The following CBFA2T2 variants were observed in gnomAD, a reference collection of about 807,000 sequenced individuals.
The protein encoded by CBFA2T2 is CBFA2/RUNX1 partner transcriptional co-repressor 2.
A neutral mutation model predicts 62.2 loss-of-function variants in CBFA2T2; 11 were observed. That is an observed-to-expected ratio of 0.18 (90% CI 0.11 to 0.29). The LOEUF is 0.29. Ranked by LOEUF, CBFA2T2 falls within the 10% of genes least tolerant of loss-of-function variation. CBFA2T2 has a pLI of 1.00. For synonymous variants in CBFA2T2, 295 were observed against 287.5 expected, an observed-to-expected ratio of 1.03 and a Z score of -0.27; for missense variants, 592 against 774.1, an observed-to-expected ratio of 0.76 and a Z score of 2.79.
chr20:33,618,214 T>C (rs1256932562), intron 3 of CBFA2T2, among the ~76,000 whole-genome samples: 1 of 149,420 alleles, frequency 6.7e-6, no homozygotes, highest in Non-Finnish European at 1.5e-5. Flanking sequence ...TGTGATAGCG[T>C]GGGGGTAAGT....
At chr20:33,551,717 A>G (rs2012746894) in intron 1 of CBFA2T2, among the ~76,000 whole-genome samples, 1 of 151,784 alleles carries the variant, frequency 6.6e-6, no homozygotes. Flanking sequence ...TTTTTAGTAG[A>G]GACGGGGTTT....
chr20:33,587,167 C>T (rs2081337178), intron 1 of CBFA2T2, among the ~76,000 whole-genome samples: 1 of 152,164 alleles, frequency 6.6e-6, no homozygotes, highest in South Asian at 2.1e-4. Flanking sequence ...TGTTCTCAAA[C>T]TCCTGAGCTC....
chr20:33,533,585 C>A (rs150055373), intron 1 of CBFA2T2, among the ~76,000 whole-genome samples: 210 of 152,116 alleles, frequency 1.4e-3, no homozygotes, highest in African/African-American at 4.8e-3. Context: ...TGTTTCCAGT[C>A]TTTGGCTATT....
At chr20:33,562,328 A>C in intron 1 of CBFA2T2, 1 of 965,416 alleles carries the variant, frequency 1.0e-6, no homozygotes, top group Non-Finnish European at 1.2e-6. Flanking sequence ...GGTAACAGGG[A>C]GGGTTGGAAG....
intron 2 of CBFA2T2, among the ~76,000 whole-genome samples, chr20:33,608,830 T>C (rs1601057510): frequency 6.6e-6 from 1 of 152,200 alleles, no homozygotes; most frequent in African/African-American, 2.4e-5. Context: ...AAAAGCATGG[T>C]AATGTGTTAT....
chr20:33,635,701 T>C (rs1284501572), intron 8 of CBFA2T2, among the ~76,000 whole-genome samples: 1 of 152,098 alleles, frequency 6.6e-6, no homozygotes, highest in Non-Finnish European at 1.5e-5. Flanking sequence ...AGTGAAACCC[T>C]GTCTGTGCAA....
rs547827366 is a variant in CBFA2T2, at chr20:33,602,793, A to G, written c.35-4163A>G. 2.0e-5 allele frequency among the ~76,000 whole-genome samples: 3 copies of G among 152,286 alleles called. No homozygotes were observed. In the South Asian group the frequency reaches 6.2e-4, roughly 32 times the overall value. ...AAGAACTTCTGCCTTTTCACTTAGT[A>G]CTTTACAGCTTCACTTTGGTGTGTC... On this transcript the variant is annotated intron_variant, in intron 1 of 10. Coordinates refer to ENST00000342704, the MANE Select transcript of CBFA2T2 (RefSeq NM_001032999.3).
intron 1 of CBFA2T2, among the ~76,000 whole-genome samples, chr20:33,526,176 C>T (rs867396578): frequency 2.6e-5 from 4 of 152,158 alleles, no homozygotes; most frequent in East Asian, 1.9e-4. Context: ...CGTGAGCCAC[C>T]GCGCCTGGCC....
chr20:33,622,576 T>C (rs1042100708), intron 4 of CBFA2T2, among the ~76,000 whole-genome samples: 2 of 152,236 alleles, frequency 1.3e-5, no homozygotes, highest in East Asian at 3.8e-4. Flanking sequence ...ACCTACTTAA[T>C]GAATTATCTT....
intron 1 of CBFA2T2, among the ~76,000 whole-genome samples, chr20:33,516,765 G>A (rs886101966): frequency 2.0e-5 from 3 of 152,138 alleles, no homozygotes; most frequent in Admixed American, 2.0e-4. Flanking sequence ...TAATACTCAC[G>A]CAGTGTTTTT....
rs1196360011 is a variant in CBFA2T2, at chr20:33,580,852, T to TTTTA, written c.35-26088_35-26085dup. ...CTGGGTAATGGAATGAGCCCCTGTC[T>TTTTA]TTTATTTATTTATTTATTTTTAAAA... is the stretch of plus-strand genomic sequence containing the variant. On this transcript the variant is annotated intron_variant, in intron 1 of 10. Transcript: ENST00000342704. Among the ~76,000 whole-genome samples the TTTTA allele has an allele frequency of 2.6e-5, 4 of 152,202 alleles. No homozygotes were observed. In the East Asian group the frequency reaches 5.8e-4, roughly 22 times the overall value.
chr20:33,594,023 G>A (rs531456027), intron 1 of CBFA2T2, among the ~76,000 whole-genome samples: 40 of 152,286 alleles, frequency 2.6e-4, no homozygotes, highest in African/African-American at 9.1e-4. Context: ...TCTGTTTTAG[G>A]TTTTAAATCA....
intron 1 of CBFA2T2, among the ~76,000 whole-genome samples, chr20:33,569,587 G>C (rs995531588): frequency 1.3e-5 from 2 of 152,188 alleles, no homozygotes; most frequent in Non-Finnish European, 2.9e-5. Context: ...TTGTGACCTT[G>C]ACAAAGTCAC....
At chr20:33,565,886 G>A (rs779245644) in intron 1 of CBFA2T2, among the ~76,000 whole-genome samples, 5 of 152,094 alleles carry the variant, frequency 3.3e-5, no homozygotes, top group Admixed American at 2.6e-4. Context: ...GTGGCTTTGC[G>A]GGAACATCAA....
At chr20:33,588,373 AATATATATAG>A (rs1345642476) in intron 1 of CBFA2T2, among the ~76,000 whole-genome samples, 5 of 150,230 alleles carry the variant, frequency 3.3e-5, no homozygotes. Flanking sequence ...TATATATATA[AATATATATAG>A]ATCAACAAAT....
intron 1 of CBFA2T2, among the ~76,000 whole-genome samples, chr20:33,536,404 A>G (rs1320462526): frequency 3.8e-5 from 5 of 133,116 alleles, no homozygotes; most frequent in South Asian, 2.6e-4. Flanking sequence ...CCTCCCGGAC[A>G]GGGTGGCTGG....
chr20:33,643,830 T>TA, intron 10 of CBFA2T2, among the ~76,000 whole-genome samples: 1 of 90,640 alleles, frequency 1.1e-5, no homozygotes, highest in African/African-American at 5.2e-5. Flanking sequence ...ATATAATGTG[T>TA]GTGTGTGTGT....
chr20:33,610,129 T>TA (rs1555844595), intron 2 of CBFA2T2, among the ~76,000 whole-genome samples: 3 of 151,964 alleles, frequency 2.0e-5, no homozygotes, highest in Non-Finnish European at 4.4e-5. Context: ...CAAAAAATTT[T>TA]AAAAAAAGAA....
chr20:33,543,230 C>T (rs1313805823), intron 1 of CBFA2T2, among the ~76,000 whole-genome samples: 1 of 151,138 alleles, frequency 6.6e-6, no homozygotes, highest in Non-Finnish European at 1.5e-5. Flanking sequence ...TCAGGCTGGT[C>T]TTAACTCCTG....
Sources: gnomAD v4.1 joint callset for allele counts (sites outside exome capture counted in the v4.1 genomes callset) on GRCh38, gnomAD v4.1.1 for gene constraint, MANE v1.5 for transcripts, NCBI Gene and HGNC (gene_info 2026-07-23, HGNC 2026-07-21) for gene names.